The following GALNT18 variants were observed in gnomAD, a reference collection of about 807,000 sequenced individuals.
The protein encoded by GALNT18 is GalNAc-transferase 18.
GALNT18 carries 44 observed loss-of-function variants against 69.5 expected under a neutral mutation model. That is an observed-to-expected ratio of 0.63 (90% CI 0.50 to 0.81). The LOEUF (loss-of-function observed/expected upper bound fraction) is 0.81, where lower values mean the gene tolerates loss of function less well. Ranked by LOEUF, GALNT18 falls within the 40% of genes least tolerant of loss-of-function variation. GALNT18 has a pLI of 0.00. For missense variants in GALNT18, 715 were observed against 810.0 expected, an observed-to-expected ratio of 0.88 and a Z score of 1.42; for synonymous variants, 364 against 318.2, an observed-to-expected ratio of 1.14 and a Z score of -1.53.
chr11:11,322,598 A>G (rs942183667), intron 9 of GALNT18, among the ~76,000 whole-genome samples: 1 of 152,256 alleles, frequency 6.6e-6, no homozygotes, highest in Non-Finnish European at 1.5e-5. Flanking sequence ...GAGTGATAGT[A>G]CTATACACCC....
chr11:11,448,970 G>C (rs1590013079), intron 1 of GALNT18, 34 bp from the exon 2 acceptor site: 1 of 1,504,406 alleles, frequency 6.6e-7, no homozygotes, highest in Non-Finnish European at 9.0e-7. Context: ...CAGTGGGTCA[G>C]AGTGCACCCC....
In GALNT18 at chr11:11,383,794, T is replaced by C. The variant is rs571848970; in HGVS notation, c.596-4530A>G. ...ATAGTGAGTGAGTTCTCATGAGATC[T>C]GATGGTTTAAGTGTGGCACTTCCTC... On this transcript the variant is annotated intron_variant, in intron 3 of 10. Coordinates refer to ENST00000227756, the MANE Select transcript of GALNT18 (RefSeq NM_198516.3). This position sits in a 1 kb window ranked among gnomAD's most constrained non-coding sequence, Gnocchi z 5.2. Among the ~76,000 whole-genome samples the C allele has an allele frequency of 6.6e-6, 1 of 151,556 alleles. No homozygotes were observed. Among genetic ancestry groups the C allele is most frequent in the Admixed American group, 6.6e-5 (1 of 15,200 alleles).
chr11:11,593,226 T>C (rs1424137823), intron 1 of GALNT18, among the ~76,000 whole-genome samples: 1 of 152,204 alleles, frequency 6.6e-6, no homozygotes, highest in Non-Finnish European at 1.5e-5. Flanking sequence ...CGTACAGTCT[T>C]TACTTCTCTA....
intron 9 of GALNT18, among the ~76,000 whole-genome samples, chr11:11,312,466 C>T (rs1849688074): frequency 3.3e-5 from 5 of 152,176 alleles, no homozygotes. Context: ...TCATAAAGTT[C>T]TTCACTTTCC....
At position 11,584,097 on chromosome 11, in the gene GALNT18, G is replaced by A. The variant is rs748833668; in HGVS notation, c.235+37262C>T. Among the ~76,000 whole-genome samples, 1 of 151,984 alleles carries A rather than the reference G, an allele frequency of 6.6e-6. No homozygotes were observed. Among genetic ancestry groups the A allele is most frequent in the Non-Finnish European group, 1.5e-5 (1 of 68,002 alleles). On this transcript the variant is annotated intron_variant, in intron 1 of 10. Coordinates refer to ENST00000227756, the MANE Select transcript of GALNT18 (RefSeq NM_198516.3). The surrounding 1 kb of genome is among the most constrained non-coding windows in gnomAD (Gnocchi z 4.1). ...TGGTCAAGCAGAAAAGAGATAAGAG[G>A]ACATACGGAGAGAAGTAAAAAGGGG...
At chr11:11,271,650 A>C (rs2132968891) in intron 10 of GALNT18, among the ~76,000 whole-genome samples, 1 of 100,208 alleles carries the variant, frequency 1.0e-5, no homozygotes, top group East Asian at 2.8e-4. Flanking sequence ...GGGACGACCC[A>C]TCATTGGCCT....
intron 1 of GALNT18, among the ~76,000 whole-genome samples, chr11:11,466,450 A>G (rs1431740971): frequency 6.6e-6 from 1 of 152,276 alleles, no homozygotes; most frequent in Non-Finnish European, 1.5e-5. Context: ...ACGGACACCC[A>G]GGAAAGGAGG....
chr11:11,353,207 G>A, intron 6 of GALNT18: 1 of 1,520,192 alleles, frequency 6.6e-7, no homozygotes, highest in East Asian at 2.3e-5. Context: ...GTAAGACCTT[G>A]TTTCAGACCT....
intron 1 of GALNT18, among the ~76,000 whole-genome samples, chr11:11,579,458 T>C (rs1404290756): frequency 1.3e-5 from 2 of 152,282 alleles, no homozygotes; most frequent in African/African-American, 4.8e-5. Context: ...AACCTCAATA[T>C]ATAATACAGA....
At chr11:11,458,367 T>C (rs1218607240) in intron 1 of GALNT18, among the ~76,000 whole-genome samples, 2 of 152,220 alleles carry the variant, frequency 1.3e-5, no homozygotes, top group African/African-American at 4.8e-5. Flanking sequence ...TACCATAAAA[T>C]TCACCCATTT....
intron 10 of GALNT18, among the ~76,000 whole-genome samples, chr11:11,291,954 G>T (rs1261050532): frequency 6.6e-6 from 1 of 152,178 alleles, no homozygotes; most frequent in African/African-American, 2.4e-5. Context: ...CCTTGCTACA[G>T]GGAGAGTAAC....
At chr11:11,370,477 T>A (rs1850874843) in intron 6 of GALNT18, among the ~76,000 whole-genome samples, 1 of 152,158 alleles carries the variant, frequency 6.6e-6, no homozygotes, top group South Asian at 2.1e-4. Flanking sequence ...TCCCTCCCAT[T>A]TGTACTTAGT....
intron 6 of GALNT18, among the ~76,000 whole-genome samples, chr11:11,342,397 C>T (rs190893736): frequency 5.9e-5 from 9 of 152,176 alleles, no homozygotes; most frequent in African/African-American, 1.9e-4. Context: ...TCACCATGAA[C>T]TTGGTAGATG....
intron 6 of GALNT18, among the ~76,000 whole-genome samples, chr11:11,357,937 T>G (rs1023677385): frequency 2.6e-5 from 4 of 152,214 alleles, no homozygotes; most frequent in Admixed American, 6.5e-5. Flanking sequence ...GTAGCTATTA[T>G]CATTAGTATT....
rs764570692 is a variant in GALNT18 at position 11,372,649 on chromosome 11, C to A, written c.978-20G>T. On this transcript the variant is annotated intron_variant, in intron 5 of 10. Transcript: ENST00000227756. This position sits in a 1 kb window ranked among gnomAD's most constrained non-coding sequence, Gnocchi z 4.9. Reference sequence around the variant, plus strand: ...GGGCTCCTGCAGGGGCAGGGGAGAGCAGAAGGGCTGTCTGGTGCAGCTGTC... The same window carrying A: ...GGGCTCCTGCAGGGGCAGGGGAGAGAAGAAGGGCTGTCTGGTGCAGCTGTC... 1.3e-6 allele frequency: 2 copies of A among 1,593,872 alleles called. No individual in the cohort carries two copies. The highest frequency in any genetic ancestry group is 4.5e-5 in the East Asian group (2 of 44,724).
intron 3 of GALNT18, among the ~76,000 whole-genome samples, chr11:11,422,414 G>C (rs1855030992): frequency 6.6e-6 from 1 of 152,228 alleles, no homozygotes; most frequent in African/African-American, 2.4e-5. Flanking sequence ...TTGAGGGTGA[G>C]CCAGCCTAGT....
At chr11:11,343,538 G>A (rs1019112077) in intron 6 of GALNT18, among the ~76,000 whole-genome samples, 1 of 152,114 alleles carries the variant, frequency 6.6e-6, no homozygotes, top group East Asian at 1.9e-4. Flanking sequence ...TGAGGATCAT[G>A]AGAAGGTGGC....
intron 3 of GALNT18, among the ~76,000 whole-genome samples, chr11:11,412,293 C>G (rs899593521): frequency 6.6e-6 from 1 of 152,154 alleles, no homozygotes; most frequent in African/African-American, 2.4e-5. Flanking sequence ...CCCTACTAGA[C>G]CCCTACTAGA....
chr11:11,581,489 A>G (rs1028035539), intron 1 of GALNT18, among the ~76,000 whole-genome samples: 3 of 152,074 alleles, frequency 2.0e-5, no homozygotes, highest in African/African-American at 7.2e-5. Flanking sequence ...CCAAGCAAGG[A>G]CAGGGGCACG....
Sources: allele counts gnomAD v4.1 joint callset (sites outside exome capture counted in the v4.1 genomes callset), GRCh38; gene constraint gnomAD v4.1.1; non-coding constraint Gnocchi (gnomAD v3.1); transcripts MANE v1.5; gene names NCBI Gene and HGNC (gene_info 2026-07-23, HGNC 2026-07-21).